Variants in PLXNA4 observed in about 807,000 individuals in gnomAD.
PLXNA4 encodes the protein plexin A4, also known as plexin-A4.
A neutral mutation model predicts 191.8 loss-of-function variants in PLXNA4; 44 were observed. The observed-to-expected ratio is 0.23, with a 90% CI of 0.18 to 0.29. The LOEUF is 0.29. Ranked by LOEUF, PLXNA4 falls within the 10% of genes least tolerant of loss-of-function variation. The pLI is 1.00. For missense variants in PLXNA4, 1,800 were observed against 2,488.8 expected (o/e 0.72, Z 5.89); for synonymous variants, 1,082 against 1,009.5 (o/e 1.07, Z -1.36).
chr7:132,509,911 G>A (rs542936320), intron 1 of PLXNA4, among the ~76,000 whole-genome samples: 2 of 152,218 alleles, frequency 1.3e-5, no homozygotes, highest in Non-Finnish European at 2.9e-5. Context: ...ATTTTAACAA[G>A]GCAGATCTTG....
At chr7:132,155,696 G>A (rs1448674326) in intron 25 of PLXNA4, among the ~76,000 whole-genome samples, 1 of 152,144 alleles carries the variant, frequency 6.6e-6, no homozygotes, top group Non-Finnish European at 1.5e-5. Flanking sequence ...CGCTGTGGTC[G>A]CTGTCCTTCC....
intron 2 of PLXNA4, among the ~76,000 whole-genome samples, chr7:132,505,227 T>C (rs1798412738): frequency 6.6e-6 from 1 of 152,224 alleles, no homozygotes; most frequent in Non-Finnish European, 1.5e-5. Context: ...TGCAAAGCTG[T>C]TTTCCCTCTA....
chr7:132,189,016 G>GGAAA (rs1796995694), intron 14 of PLXNA4, among the ~76,000 whole-genome samples: 5 of 74,158 alleles, frequency 6.7e-5, no homozygotes, highest in African/African-American at 2.3e-4. Context: ...GAGAGAGAGA[G>GGAAA]AGAGAGAGAG....
At chr7:132,583,348 T>A (rs1038784905) in intron 2 of PLXNA4, among the ~76,000 whole-genome samples, 4 of 152,154 alleles carry the variant, frequency 2.6e-5, no homozygotes, top group Non-Finnish European at 4.4e-5. Context: ...TTCCTATAGA[T>A]GGCAGGTAGA....
chr7:132,399,185 AGATTCAAATG>A (rs1170487466), intron 3 of PLXNA4, among the ~76,000 whole-genome samples: 3 of 152,174 alleles, frequency 2.0e-5, no homozygotes, highest in East Asian at 1.9e-4. Context: ...ACAGTTCTGC[AGATTCAAATG>A]GATTCAAATG....
chr7:132,509,492 T>C (rs1470162465), intron 1 of PLXNA4, among the ~76,000 whole-genome samples: 1 of 152,228 alleles, frequency 6.6e-6, no homozygotes, highest in Non-Finnish European at 1.5e-5. Context: ...GTACATCCTA[T>C]TGTAGCCACA....
intron 4 of PLXNA4, among the ~76,000 whole-genome samples, chr7:132,268,758 G>T (rs373013330): frequency 6.6e-6 from 1 of 152,258 alleles, no homozygotes; most frequent in East Asian, 1.9e-4. Context: ...CCTTTTCTTG[G>T]ATAGCATCTG....
Position 132,557,020 on chromosome 7 carries a change from G to C in PLXNA4, c.-87+19402C>G, listed in dbSNP as rs151000444. Among the ~76,000 whole-genome samples the C allele has an allele frequency of 5.9e-3, 903 of 152,296 alleles. 7 individuals carry two copies. The highest frequency in any genetic ancestry group is 0.037 in the Middle Eastern group (11 of 294). On this transcript the variant is annotated intron_variant, in intron 1 of 31. Transcript: ENST00000321063. ...AAAAATATTAATGAATAAAGTACCA[G>C]GTGGCAGAAGTTTGTGTAAGACACA...
chr7:132,221,216 A>G (rs1798134417), intron 9 of PLXNA4, among the ~76,000 whole-genome samples: 1 of 152,102 alleles, frequency 6.6e-6, no homozygotes, highest in African/African-American at 2.4e-5. Flanking sequence ...AAAGAAAGAA[A>G]TTTGGTACAA....
At position 132,194,189 on chromosome 7, in the gene PLXNA4, G is replaced by A. The variant is rs367544238; in HGVS notation, c.2739-10C>T. On this transcript the variant is annotated splice_polypyrimidine_tract_variant and intron_variant, in intron 13 of 31. Transcript: ENST00000321063. ...CATCTCACACACGATCCTGCAGGGA[G>A]GATAGGAGAAATCCCATGGGTCACA... 234 of 1,609,818 alleles carry A rather than the reference G, an allele frequency of 1.5e-4. No homozygotes were observed. The African/African-American group carries it at 2.7e-3, about 19-fold the overall frequency.
chr7:132,562,343 T>C (rs1329630180), intron 1 of PLXNA4, among the ~76,000 whole-genome samples: 7 of 100,908 alleles, frequency 6.9e-5, no homozygotes, highest in Admixed American at 9.7e-5. Flanking sequence ...TCCTCCTCCT[T>C]CTTCTCCTTC....
At chr7:132,144,904 C>T (rs1250458025) in intron 29 of PLXNA4, among the ~76,000 whole-genome samples, 2 of 152,174 alleles carry the variant, frequency 1.3e-5, no homozygotes, top group Non-Finnish European at 2.9e-5. Context: ...GATGCACAGA[C>T]AGATTTGACT....
chr7:132,275,254 G>A (rs532728241), intron 4 of PLXNA4, among the ~76,000 whole-genome samples: 50 of 152,186 alleles, frequency 3.3e-4, no homozygotes, highest in African/African-American at 1.1e-3. Flanking sequence ...AGAACCACAG[G>A]AAGTTGTAAA....
At chr7:132,565,973 G>A (rs1373224512) in intron 1 of PLXNA4, among the ~76,000 whole-genome samples, 1 of 152,210 alleles carries the variant, frequency 6.6e-6, no homozygotes. Context: ...ACTCACTGCA[G>A]TTGGGTTCGA....
intron 3 of PLXNA4, among the ~76,000 whole-genome samples, chr7:132,343,287 G>A (rs1485003207): frequency 1.3e-5 from 2 of 152,060 alleles, no homozygotes; most frequent in South Asian, 2.1e-4. Context: ...ATGTGTGGCC[G>A]AGCAGTGTTA....
intron 3 of PLXNA4, among the ~76,000 whole-genome samples, chr7:132,425,442 T>A (rs1280379607): frequency 6.6e-6 from 1 of 152,100 alleles, no homozygotes; most frequent in Non-Finnish European, 1.5e-5. Context: ...GAAGGCTGAA[T>A]GACGTCCTTA....
rs377656060 is a variant in PLXNA4, at chr7:132,281,634, CCTT to C, written c.1503+16454_1503+16456del. Reference sequence around the variant, plus strand: ...CAAATGATCTCCTCATGCCATAAATCCTTCTGAAAGTACTTACTTTCTTACCCA... The same window carrying C: ...CAAATGATCTCCTCATGCCATAAATCCTGAAAGTACTTACTTTCTTACCCA... On this transcript the variant is annotated intron_variant, in intron 4 of 31. Transcript: ENST00000321063. Among the ~76,000 whole-genome samples, 59 of 152,236 alleles carry C rather than the reference CCTT, an allele frequency of 3.9e-4. No homozygotes were observed. The East Asian group carries it at 8.9e-3, about 23-fold the overall frequency.
In PLXNA4 at chr7:132,289,721, T is replaced by C. The variant is rs146343065; in HGVS notation, c.1503+8370A>G. 3.4e-3 allele frequency among the ~76,000 whole-genome samples: 512 copies of C among 152,060 alleles called. 5 individuals are homozygous for C. The East Asian group carries it at 0.052, about 16-fold the overall frequency. ...ATAATTTTTAAATTTTTTGTAGAGATGGGATTTTGCCATATTGCCCAGGCT... is the reference window on the plus strand; with the variant it reads ...ATAATTTTTAAATTTTTTGTAGAGACGGGATTTTGCCATATTGCCCAGGCT... On this transcript the variant is annotated intron_variant, in intron 4 of 31. Coordinates refer to ENST00000321063, the MANE Select transcript of PLXNA4 (RefSeq NM_020911.2).
intron 3 of PLXNA4, among the ~76,000 whole-genome samples, chr7:132,367,042 A>G (rs1804215195): frequency 6.6e-6 from 1 of 152,206 alleles, no homozygotes; most frequent in Non-Finnish European, 1.5e-5. Flanking sequence ...AAGTGCTTGG[A>G]TTACAGGCAT....
Sources: allele counts gnomAD v4.1 joint callset (sites outside exome capture counted in the v4.1 genomes callset), GRCh38; gene constraint gnomAD v4.1.1; transcripts MANE v1.5; gene names NCBI Gene and HGNC (gene_info 2026-07-23, HGNC 2026-07-21).